The following ARHGAP35 variants were observed in gnomAD, a reference collection of about 807,000 sequenced individuals.
ARHGAP35 encodes the protein Rho GTPase activating protein 35.
ARHGAP35 carries 15 observed loss-of-function variants against 111.1 expected under a neutral mutation model. The observed-to-expected ratio is 0.13, with a 90% confidence interval of 0.09 to 0.21. ARHGAP35 has a LOEUF of 0.21. Ranked by LOEUF, ARHGAP35 falls within the 10% of genes least tolerant of loss-of-function variation. The pLI is 1.00. For missense variants in ARHGAP35, 1,262 were observed against 1,873.0 expected (o/e 0.67, Z 6.02); for synonymous variants, 643 against 710.3 (o/e 0.91, Z 1.51).
chr19:46,865,137 G>A (rs918436968), intron 1 of ARHGAP35, among the ~76,000 whole-genome samples: 5 of 152,160 alleles, frequency 3.3e-5, no homozygotes, highest in African/African-American at 1.2e-4. Context: ...TGATGGGATT[G>A]GGTGCTACAG....
At chr19:46,969,538 G>A (rs2056533184) in intron 3 of ARHGAP35, among the ~76,000 whole-genome samples, 4 of 152,154 alleles carry the variant, frequency 2.6e-5, no homozygotes. Flanking sequence ...GAGCAACCAG[G>A]GATGGGAGAC....
intron 1 of ARHGAP35, among the ~76,000 whole-genome samples, chr19:46,903,616 A>G (rs2056091701): frequency 1.3e-5 from 2 of 152,236 alleles, no homozygotes; most frequent in Admixed American, 1.3e-4. Flanking sequence ...GACAGCTGTC[A>G]TGGAAGAGTA....
intron 2 of ARHGAP35, among the ~76,000 whole-genome samples, chr19:46,936,119 C>T (rs549796902): frequency 2.6e-5 from 4 of 152,228 alleles, no homozygotes; most frequent in Admixed American, 6.5e-5. Context: ...GGGTACATGC[C>T]TGTGGTCCCA....
intron 3 of ARHGAP35, among the ~76,000 whole-genome samples, chr19:46,956,597 T>C (rs1454830070): frequency 6.6e-6 from 1 of 152,002 alleles, no homozygotes; most frequent in Non-Finnish European, 1.5e-5. Context: ...ATCCTCAAGA[T>C]ACCTCATTAC....
rs2056748640 is a variant in ARHGAP35, at chr19:47,001,576, C to T, written c.*888C>T. Reference sequence around the variant, plus strand: ...GAGGGCCTGCTGGGGTCCCACTCACCCACTTAGGTCTAGTCGCTAGATCCC... The same window carrying T: ...GAGGGCCTGCTGGGGTCCCACTCACTCACTTAGGTCTAGTCGCTAGATCCC... On this transcript the variant is annotated 3_prime_UTR_variant, in exon 7 of 7. Coordinates refer to ENST00000672722, the MANE Select transcript of ARHGAP35 (RefSeq NM_004491.5). The surrounding 1 kb of genome is among the most constrained non-coding windows in gnomAD (Gnocchi z 5.4). 3 of 408,110 alleles carry T rather than the reference C, an allele frequency of 7.4e-6. No homozygotes were observed. The highest frequency in any genetic ancestry group is 1.3e-5 in the Non-Finnish European group (3 of 226,096). The allele number at this position is 408,110 out of a possible 1,614,324, so 25.3% of individuals were successfully genotyped here.
At chr19:46,872,845 C>T (rs2055895058) in intron 1 of ARHGAP35, among the ~76,000 whole-genome samples, 2 of 147,852 alleles carry the variant, frequency 1.4e-5, no homozygotes, top group South Asian at 4.3e-4. Flanking sequence ...TGTGCCACTA[C>T]ACTCCGGCCT....
intron 1 of ARHGAP35, among the ~76,000 whole-genome samples, chr19:46,906,684 A>G (rs972438015): frequency 6.6e-6 from 1 of 152,240 alleles, no homozygotes; most frequent in African/African-American, 2.4e-5. Context: ...CCTTAGCTTC[A>G]GTACAGATGC....
chr19:46,873,945 C>T (rs928290485), intron 1 of ARHGAP35, among the ~76,000 whole-genome samples: 6 of 151,676 alleles, frequency 4.0e-5, no homozygotes, highest in African/African-American at 9.7e-5. Context: ...ACGGGGTTTC[C>T]CCATGTTAGT....
Position 46,992,969 on chromosome 19 carries a change from C to G in ARHGAP35, c.4036+3294C>G, listed in dbSNP as rs2056687032. On this transcript the variant is annotated intron_variant, in intron 5 of 6. Transcript: ENST00000672722. The surrounding 1 kb of genome is among the most constrained non-coding windows in gnomAD (Gnocchi z 4.4). The stretch of plus-strand genomic sequence containing the variant: ...GGGATCCTGCCTTCCTTTGATCTGT[C>G]CACATAGCTGCCCGAGGGCACGGGG... Among the ~76,000 whole-genome samples, 1 of 152,188 alleles carries G rather than the reference C, an allele frequency of 6.6e-6. No individual in the cohort carries two copies. Among genetic ancestry groups the G allele is most frequent in the Non-Finnish European group, 1.5e-5 (1 of 68,040 alleles).
chr19:46,965,536 G>A (rs1432157948), intron 3 of ARHGAP35, among the ~76,000 whole-genome samples: 1 of 152,076 alleles, frequency 6.6e-6, no homozygotes, highest in Non-Finnish European at 1.5e-5. Flanking sequence ...CTAGGCTGGT[G>A]TGCCGTGGCA....
At position 46,922,656 on chromosome 19, in the gene ARHGAP35, G is replaced by A. The variant is rs747272619; in HGVS notation, c.3681+300G>A. Among the ~76,000 whole-genome samples the A allele has an allele frequency of 9.2e-5, 14 of 152,172 alleles. No individual in the cohort carries two copies. The highest frequency in any genetic ancestry group is 1.6e-4 in the Non-Finnish European group (11 of 68,036). ...GTCTTGACAAGTGGCCAAGCGCAGT[G>A]ACAATACACTTGCTCTCCCTTCACT... On this transcript the variant is annotated intron_variant, in intron 2 of 6. Transcript: ENST00000672722. The surrounding 1 kb of genome is among the most constrained non-coding windows in gnomAD (Gnocchi z 4.0).
chr19:46,892,050 G>C (rs1378398166), intron 1 of ARHGAP35, among the ~76,000 whole-genome samples: 1 of 149,256 alleles, frequency 6.7e-6, no homozygotes. Flanking sequence ...ACTTTGGAAG[G>C]CCGAGGCAGG....
intron 3 of ARHGAP35, among the ~76,000 whole-genome samples, chr19:46,949,900 G>A (rs766213362): frequency 1.8e-4 from 28 of 152,144 alleles, no homozygotes; most frequent in Admixed American, 7.2e-4. Context: ...CCAATGGGAC[G>A]TTTCCCCAAA....
intron 1 of ARHGAP35, among the ~76,000 whole-genome samples, chr19:46,913,640 G>T (rs566205860): frequency 9.9e-5 from 15 of 152,248 alleles, no homozygotes; most frequent in African/African-American, 3.4e-4. Context: ...TACTTCTGAA[G>T]TATTTTCCTC....
intron 1 of ARHGAP35, among the ~76,000 whole-genome samples, chr19:46,915,371 T>A (rs1190604983): frequency 6.6e-6 from 1 of 152,222 alleles, no homozygotes; most frequent in Non-Finnish European, 1.5e-5. Context: ...ATTTTTCTTT[T>A]TAAAATGTAG....
Position 47,000,612 on chromosome 19 carries a change from A to G in ARHGAP35, c.4424A>G (p.Gln1475Arg). Residue 1475 changes from glutamine to arginine, a missense_variant, in exon 7 of 7, where the codon CAG (glutamine) becomes CGG (arginine). Around this residue, in one of 8 missense-constraint regions of ARHGAP35, gnomAD observed 75 missense variants for 87.0 expected, o/e 0.86. Transcript: ENST00000672722. This position sits in a 1 kb window ranked among gnomAD's most constrained non-coding sequence, Gnocchi z 6.9. ...TPVTSQPSPP[Q>R]SPPPTPQSPM... Reference sequence around the variant, plus strand: ...GTCACAAGTCAGCCGTCGCCCCCACAGTCGCCTCCACCCACCCCCCAGTCC... The same window carrying G: ...GTCACAAGTCAGCCGTCGCCCCCACGGTCGCCTCCACCCACCCCCCAGTCC... The G allele has an allele frequency of 5.0e-6, 8 of 1,608,278 alleles. No homozygotes were observed. Among genetic ancestry groups the G allele is most frequent in the Non-Finnish European group, 6.8e-6 (8 of 1,178,050 alleles).
intron 1 of ARHGAP35, among the ~76,000 whole-genome samples, chr19:46,873,628 C>T (rs976288728): frequency 4.9e-4 from 58 of 119,218 alleles, no homozygotes; most frequent in African/African-American, 1.7e-3. Flanking sequence ...CAGAGCGAGA[C>T]TCTTTCTCAA....
At chr19:46,910,624 C>G (rs2056133076) in intron 1 of ARHGAP35, among the ~76,000 whole-genome samples, 1 of 151,910 alleles carries the variant, frequency 6.6e-6, no homozygotes, top group Non-Finnish European at 1.5e-5. Context: ...GGGTTGCACT[C>G]TGTTGCCCAG....
At chr19:46,977,902 G>T (rs2056587906) in intron 3 of ARHGAP35, among the ~76,000 whole-genome samples, 1 of 152,258 alleles carries the variant, frequency 6.6e-6, no homozygotes, top group Admixed American at 6.5e-5. Context: ...CTTATGGCTG[G>T]CCTTGGCCCA....
Sources: allele counts gnomAD v4.1 joint callset (sites outside exome capture counted in the v4.1 genomes callset), GRCh38; gene constraint gnomAD v4.1.1; regional missense constraint gnomAD v4.1.1; non-coding constraint Gnocchi (gnomAD v3.1); transcripts MANE v1.5; gene names NCBI Gene and HGNC (gene_info 2026-07-23, HGNC 2026-07-21).